Variants in STOX2 observed in about 807,000 individuals in gnomAD.
STOX2 encodes the protein storkhead-box protein 2.
Under a neutral mutation model 60.9 loss-of-function variants are expected in STOX2, and 28 were observed. That is an observed-to-expected ratio of 0.46 (90% CI 0.34 to 0.63). STOX2 has a LOEUF of 0.63. Ranked by LOEUF, STOX2 falls within the 30% of genes least tolerant of loss-of-function variation. The pLI is 0.01. For missense variants in STOX2, 1,024 were observed against 1,187.7 expected (o/e 0.86, Z 2.03); for synonymous variants, 472 against 463.9 (o/e 1.02, Z -0.22).
intron 1 of STOX2, among the ~76,000 whole-genome samples, chr4:183,933,964 G>A (rs1240127239): frequency 6.6e-6 from 1 of 152,174 alleles, no homozygotes; most frequent in African/African-American, 2.4e-5. Flanking sequence ...GAATTAAGAT[G>A]TGCTGGAAGA....
chr4:183,859,203 A>G (rs73870926), intron 1 of STOX2, among the ~76,000 whole-genome samples: 2,247 of 152,162 alleles, frequency 0.015, 45 homozygotes, highest in African/African-American at 0.051. Flanking sequence ...GCTCTGGCCC[A>G]TTCTCTCTCT....
chr4:183,989,934 G>A (rs1733025313), intron 1 of STOX2, among the ~76,000 whole-genome samples: 1 of 152,120 alleles, frequency 6.6e-6, no homozygotes, highest in Non-Finnish European at 1.5e-5. Flanking sequence ...GTATGTAATA[G>A]GTAAGAATTT....
intron 1 of STOX2, among the ~76,000 whole-genome samples, chr4:183,835,582 GTTAA>G (rs907568328): frequency 2.0e-5 from 3 of 152,080 alleles, no homozygotes; most frequent in Admixed American, 1.3e-4. Context: ...TTTTAAATAT[GTTAA>G]TTAATTAATG....
Position 184,011,069 on chromosome 4 carries a change from C to A in STOX2, c.2231C>A (p.Pro744Gln). Reference sequence around the variant, plus strand: ...CCAGGCCGATGTGAGAAACTGGAACCGTCCCTGGGGACCTCGGCGGCACAA... The same window carrying A: ...CCAGGCCGATGTGAGAAACTGGAACAGTCCCTGGGGACCTCGGCGGCACAA... The part of the protein sequence containing the change: ...TLPGRCEKLE[P>Q]SLGTSAAQAM... Residue 744 changes from proline (P) to glutamine (Q), a missense_variant, in exon 3 of 4, where the codon CCG becomes CAG. By Grantham distance (76) the Pro-to-Gln change is moderately conservative. Around this residue, in one of 3 missense-constraint regions of STOX2, gnomAD observed 922 missense variants for 1,058.3 expected, o/e 0.87. Transcript: ENST00000308497. The surrounding 1 kb of genome is among the most constrained non-coding windows in gnomAD (Gnocchi z 4.4). 1 of 1,609,060 alleles carries A rather than the reference C, an allele frequency of 6.2e-7. No homozygotes were observed. The highest frequency in any genetic ancestry group is 8.5e-7 in the Non-Finnish European group (1 of 1,177,504).
intron 1 of STOX2, among the ~76,000 whole-genome samples, chr4:183,970,991 T>C (rs889057407): frequency 6.6e-6 from 1 of 152,236 alleles, no homozygotes; most frequent in African/African-American, 2.4e-5. Flanking sequence ...GTATAACCGT[T>C]GGGGTCATAT....
intron 1 of STOX2, among the ~76,000 whole-genome samples, chr4:183,893,591 T>C (rs555991429): frequency 6.6e-6 from 1 of 150,520 alleles, no homozygotes; most frequent in South Asian, 2.1e-4. Context: ...ACTCTTATTT[T>C]ACACTATTAT....
At chr4:184,006,798 C>CTT (rs1277693266) in intron 2 of STOX2, among the ~76,000 whole-genome samples, 1 of 150,216 alleles carries the variant, frequency 6.7e-6, no homozygotes, top group Non-Finnish European at 1.5e-5. Context: ...GGGCGGATCA[C>CTT]GAGGTCAGCA....
intron 1 of STOX2, among the ~76,000 whole-genome samples, chr4:183,966,364 C>T (rs1396750183): frequency 6.6e-6 from 1 of 152,232 alleles, no homozygotes; most frequent in African/African-American, 2.4e-5. Flanking sequence ...TAATAATTTA[C>T]ACACAGTGAG....
chr4:183,833,574 C>A (rs1045144064), intron 1 of STOX2, among the ~76,000 whole-genome samples: 1 of 150,726 alleles, frequency 6.6e-6, no homozygotes, highest in African/African-American at 2.4e-5. Flanking sequence ...AGAGAAATAG[C>A]GTTGGCAAGG....
At chr4:183,842,008 A>G (rs1331665921) in intron 1 of STOX2, among the ~76,000 whole-genome samples, 1 of 152,270 alleles carries the variant, frequency 6.6e-6, no homozygotes, top group African/African-American at 2.4e-5. Context: ...ATTTCCTCAT[A>G]TAATCCCTGT....
intron 1 of STOX2, among the ~76,000 whole-genome samples, chr4:183,891,775 A>C (rs1312160843): frequency 6.6e-6 from 1 of 152,124 alleles, no homozygotes; most frequent in East Asian, 1.9e-4. Context: ...AGTATTCATC[A>C]TTTTTAAAAA....
At chr4:183,832,539 G>C (rs1197728511) in intron 1 of STOX2, among the ~76,000 whole-genome samples, 3 of 144,416 alleles carry the variant, frequency 2.1e-5, no homozygotes, top group African/African-American at 8.0e-5. Flanking sequence ...CACCCAGGCT[G>C]GAATGCAGTG....
intron 1 of STOX2, among the ~76,000 whole-genome samples, chr4:183,926,125 T>C (rs184496461): frequency 1.4e-3 from 216 of 152,206 alleles, no homozygotes; most frequent in Middle Eastern, 6.8e-3. Flanking sequence ...CCATCACCTA[T>C]ATGAGAACAG....
At chr4:183,980,504 G>A (rs978451271) in intron 1 of STOX2, among the ~76,000 whole-genome samples, 5 of 152,174 alleles carry the variant, frequency 3.3e-5, no homozygotes, top group African/African-American at 4.8e-5. Context: ...GAAGGTCCCT[G>A]CAAACCTCCC....
chr4:184,015,365 C>T (rs147403954), intron 3 of STOX2: 1 of 152,284 alleles, frequency 6.6e-6, no homozygotes, highest in African/African-American at 2.4e-5. Flanking sequence ...CTCACACTTT[C>T]CCTTTTAGTG....
At chr4:183,963,148 A>G (rs1743459594) in intron 1 of STOX2, among the ~76,000 whole-genome samples, 1 of 152,200 alleles carries the variant, frequency 6.6e-6, no homozygotes, top group Non-Finnish European at 1.5e-5. Context: ...CCCCAGGTGT[A>G]GATGAGTGGG....
At chr4:183,875,515 C>T (rs1740809200) in intron 1 of STOX2, among the ~76,000 whole-genome samples, 1 of 152,194 alleles carries the variant, frequency 6.6e-6, no homozygotes, top group Admixed American at 6.5e-5. Context: ...CTGGAGGGCT[C>T]CCTCTCACTG....
intron 2 of STOX2, among the ~76,000 whole-genome samples, chr4:184,006,727 T>A (rs1486439296): frequency 6.7e-6 from 1 of 148,780 alleles, no homozygotes; most frequent in African/African-American, 2.5e-5. Context: ...AAAATTCATT[T>A]CTATTTTGTA....
At chr4:183,851,110 C>G (rs138966970) in intron 1 of STOX2, among the ~76,000 whole-genome samples, 5,764 of 11,858 alleles carry the variant, frequency 0.49, 1,382 homozygotes, top group South Asian at 0.59. Context: ...ATGAGGGAAA[C>G]GATGAGGGAA....
Sources: gnomAD v4.1 joint callset for allele counts (sites outside exome capture counted in the v4.1 genomes callset) on GRCh38, gnomAD v4.1.1 for gene constraint, gnomAD v4.1.1 regional missense constraint, Gnocchi (gnomAD v3.1) non-coding constraint, MANE v1.5 for transcripts, NCBI Gene and HGNC (gene_info 2026-07-23, HGNC 2026-07-21) for gene names.